The following FILIP1L variants were observed in gnomAD, a reference collection of about 807,000 sequenced individuals.
The protein encoded by FILIP1L is filamin A interacting protein 1 like.
FILIP1L carries 55 observed loss-of-function variants against 96.6 expected under a neutral mutation model. The ratio of observed to expected loss-of-function variants is 0.57; its 90% confidence interval spans 0.46 to 0.71. The LOEUF (loss-of-function observed/expected upper bound fraction) is 0.71, where lower values mean the gene tolerates loss of function less well. FILIP1L is among the 30% of genes least tolerant of loss of function. FILIP1L has a pLI of 0.00. For synonymous variants in FILIP1L, 467 were observed against 473.9 expected (o/e 0.99, Z 0.19); for missense variants, 1,304 against 1,321.2 (o/e 0.99, Z 0.20).
At chr3:100,061,175 C>T (rs1411440066) in intron 1 of FILIP1L, among the ~76,000 whole-genome samples, 3 of 151,902 alleles carry the variant, frequency 2.0e-5, no homozygotes, top group African/African-American at 7.3e-5. Flanking sequence ...AGGAAGGGTA[C>T]AATTTTTAGA....
intron 1 of FILIP1L, among the ~76,000 whole-genome samples, chr3:99,950,466 A>G (rs554960445): frequency 6.6e-6 from 1 of 152,312 alleles, no homozygotes; most frequent in South Asian, 2.1e-4. Flanking sequence ...CACATGTCCT[A>G]TTCCTGAGAT....
At chr3:99,886,597 G>T (rs145776568) in intron 4 of FILIP1L, among the ~76,000 whole-genome samples, 4 of 151,884 alleles carry the variant, frequency 2.6e-5, no homozygotes, top group Admixed American at 2.6e-4. Flanking sequence ...ATGAACAAAG[G>T]CCCAAAAAAA....
chr3:99,868,914 T>A (rs1944647611), intron 4 of FILIP1L, among the ~76,000 whole-genome samples: 1 of 152,210 alleles, frequency 6.6e-6, no homozygotes, highest in Non-Finnish European at 1.5e-5. Context: ...CTAATTTGTT[T>A]TAGTATATTA....
At chr3:100,017,018 TTTTG>T (rs1474899748) in intron 1 of FILIP1L, among the ~76,000 whole-genome samples, 1 of 152,230 alleles carries the variant, frequency 6.6e-6, no homozygotes, top group African/African-American at 2.4e-5. Context: ...TTAAATGGGT[TTTTG>T]TTAGTTTTTC....
At chr3:100,000,047 G>A (rs751391534) in intron 1 of FILIP1L, among the ~76,000 whole-genome samples, 1 of 152,152 alleles carries the variant, frequency 6.6e-6, no homozygotes, top group Non-Finnish European at 1.5e-5. Context: ...CTGTAATGGG[G>A]CCCAGGCATC....
intron 4 of FILIP1L, among the ~76,000 whole-genome samples, chr3:99,858,548 A>G (rs1944087160): frequency 6.6e-6 from 1 of 152,242 alleles, no homozygotes; most frequent in Non-Finnish European, 1.5e-5. Flanking sequence ...TATTTTTATG[A>G]AAAAATACTT....
intron 5 of FILIP1L, among the ~76,000 whole-genome samples, chr3:99,836,136 T>A (rs1174828293): frequency 6.6e-6 from 1 of 152,164 alleles, no homozygotes; most frequent in Non-Finnish European, 1.5e-5. Flanking sequence ...TATTTAAGGC[T>A]GGATTATAGA....
chr3:99,979,675 A>G (rs991802593), intron 1 of FILIP1L, among the ~76,000 whole-genome samples: 1 of 152,228 alleles, frequency 6.6e-6, no homozygotes, highest in Non-Finnish European at 1.5e-5. Context: ...TACAAAAATC[A>G]TTAATTAAAA....
At chr3:99,889,479 T>C (rs997742332) in intron 4 of FILIP1L, among the ~76,000 whole-genome samples, 4 of 152,122 alleles carry the variant, frequency 2.6e-5, no homozygotes, top group African/African-American at 7.2e-5. Flanking sequence ...GTGAGTCTCA[T>C]ATAAATAACG....
At chr3:100,068,293 GTTA>G (rs2065700510) in intron 1 of FILIP1L, among the ~76,000 whole-genome samples, 1 of 152,076 alleles carries the variant, frequency 6.6e-6, no homozygotes, top group South Asian at 2.1e-4. Context: ...ATTTTGCCAT[GTTA>G]TTATAAACCT....
At chr3:100,073,044 ATAAT>A (rs1338433821) in intron 1 of FILIP1L, among the ~76,000 whole-genome samples, 1 of 152,180 alleles carries the variant, frequency 6.6e-6, no homozygotes, top group African/African-American at 2.4e-5. Context: ...GAGGCAAAGC[ATAAT>A]TAGTTTATGT....
At chr3:99,929,307 G>C (rs1016529055) in intron 3 of FILIP1L, among the ~76,000 whole-genome samples, 7 of 152,264 alleles carry the variant, frequency 4.6e-5, no homozygotes, top group African/African-American at 1.4e-4. Flanking sequence ...GGTCTTTGCT[G>C]TCATTAAACT....
At chr3:100,071,637 A>C (rs1559747714) in intron 1 of FILIP1L, among the ~76,000 whole-genome samples, 1 of 152,188 alleles carries the variant, frequency 6.6e-6, no homozygotes, top group Non-Finnish European at 1.5e-5. Flanking sequence ...ACTTCTGGAC[A>C]CATCTTTATC....
At chr3:100,078,773 C>G (rs566639700) in intron 1 of FILIP1L, among the ~76,000 whole-genome samples, 1 of 152,046 alleles carries the variant, frequency 6.6e-6, no homozygotes, top group Non-Finnish European at 1.5e-5. Flanking sequence ...TGCCTGTAAT[C>G]CAAGCTACTC....
At chr3:99,946,853 G>C (rs1313934381) in intron 1 of FILIP1L, among the ~76,000 whole-genome samples, 1 of 152,076 alleles carries the variant, frequency 6.6e-6, no homozygotes, top group Non-Finnish European at 1.5e-5. Context: ...TTGCCAATAG[G>C]CACTGTCTCC....
At chr3:99,875,874 C>A (rs1293137195) in intron 4 of FILIP1L, among the ~76,000 whole-genome samples, 4 of 152,240 alleles carry the variant, frequency 2.6e-5, no homozygotes, top group African/African-American at 9.6e-5. Flanking sequence ...TCTGTTTTCT[C>A]CTCCAGAGAA....
In FILIP1L at chr3:99,943,081, G is replaced by A. The variant is rs140915713; in HGVS notation, c.-10-12051C>T. Among the ~76,000 whole-genome samples the A allele has an allele frequency of 6.7e-3, 1,023 of 152,246 alleles. 3 individuals carry two copies. The highest frequency in any genetic ancestry group is 8.5e-3 in the African/African-American group (353 of 41,558). The stretch of plus-strand genomic sequence containing the variant: ...TGGACCTCCACTTTTGGAGTCATCT[G>A]CTTTGAAATATCCCTCAGCTGGGGC... On this transcript the variant is annotated intron_variant, in intron 1 of 5. Coordinates refer to ENST00000477258, the MANE Select transcript of FILIP1L (RefSeq NM_001387850.1).
At position 99,883,225 on chromosome 3, in the gene FILIP1L, C is replaced by T. The variant is rs569954373; in HGVS notation, c.606-32155G>A. Among the ~76,000 whole-genome samples, 20 of 152,270 alleles carry T rather than the reference C, an allele frequency of 1.3e-4. 2 individuals are homozygous for T. In the South Asian group the frequency reaches 3.7e-3, roughly 28 times the overall value. ...GAACAGCTCCAGAGATTTTTTACTT[C>T]CCCAGCAAGTCCATTCCATTCCAAA... On this transcript the variant is annotated intron_variant, in intron 4 of 5. Transcript: ENST00000477258.
At chr3:100,084,615 T>C (rs2065979534) in intron 1 of FILIP1L, among the ~76,000 whole-genome samples, 1 of 152,214 alleles carries the variant, frequency 6.6e-6, no homozygotes, top group Non-Finnish European at 1.5e-5. Context: ...GGAACTGATG[T>C]GGTTTTACTA....
Sources: gnomAD v4.1 joint callset for allele counts (sites outside exome capture counted in the v4.1 genomes callset) on GRCh38, gnomAD v4.1.1 for gene constraint, MANE v1.5 for transcripts, NCBI Gene and HGNC (gene_info 2026-07-23, HGNC 2026-07-21) for gene names.